TRIM66: variants seen among roughly 807,000 people sequenced by gnomAD.
The protein encoded by TRIM66 is tripartite motif-containing protein 66.
TRIM66 carries 99 observed loss-of-function variants against 148.2 expected under a neutral mutation model. The observed-to-expected ratio is 0.67, with a 90% CI of 0.57 to 0.79. The LOEUF (loss-of-function observed/expected upper bound fraction) is 0.79, where lower values mean the gene tolerates loss of function less well. TRIM66 is among the 30% of genes least tolerant of loss of function. The pLI is 0.00. For synonymous variants in TRIM66, 616 were observed against 635.9 expected (o/e 0.97, Z 0.47); for missense variants, 1,666 against 1,697.9 (o/e 0.98, Z 0.33).
At chr11:8,637,557 TC>T (rs1441471389) in intron 15 of TRIM66, among the ~76,000 whole-genome samples, 4 of 152,128 alleles carry the variant, frequency 2.6e-5, no homozygotes, top group African/African-American at 9.7e-5. Flanking sequence ...ATTTTTGCCA[TC>T]CCTTCTTTTT....
Position 8,638,361 on chromosome 11 carries a change from G to A in TRIM66, c.2310+293C>T, listed in dbSNP as rs74053012. On this transcript the variant is annotated intron_variant, in intron 15 of 24. Coordinates refer to ENST00000646038, the MANE Select transcript of TRIM66 (RefSeq NM_001388022.1). Reference sequence around the variant, plus strand: ...ATAATGCTGGTGAAGCAGCACACACGGTTCCAAGCACAGAGTACATGTTCA... The same window carrying A: ...ATAATGCTGGTGAAGCAGCACACACAGTTCCAAGCACAGAGTACATGTTCA... Among the ~76,000 whole-genome samples, 1,136 of 152,284 alleles carry A rather than the reference G, an allele frequency of 7.5e-3. 13 individuals are homozygous for A. The highest frequency in any genetic ancestry group is 0.026 in the African/African-American group (1,072 of 41,546).
intron 12 of TRIM66, chr11:8,644,502 T>C (rs1249967990): frequency 4.6e-6 from 2 of 439,530 alleles, no homozygotes; most frequent in Non-Finnish European, 9.1e-6. Context: ...ACCCTCAAAC[T>C]TAACTACAGC....
chr11:8,645,826 T>C lies in TRIM66; in HGVS notation c.1019A>G (p.Asn340Ser), dbSNP rs761254774. The C allele has an allele frequency of 1.5e-5, 24 of 1,551,588 alleles. No individual in the cohort carries two copies. In the South Asian group the frequency reaches 1.9e-4, roughly 12 times the overall value. ...EQQLQSIMVL[N>S]RQFEHVQNFI... is the part of the protein sequence containing the mutation. ...ATTCTGCACATGCTCAAACTGACGG[T>C]TGAGAACCATGATGCTCTGTAACTG... is the stretch of plus-strand genomic sequence containing the variant. The change falls in exon 12 of 25, where the codon AAC (asparagine) becomes AGC (serine). Residue 340 changes from asparagine (N) to serine (S), a missense_variant. Physicochemically the swap from Asn to Ser is conservative, Grantham distance 46. Transcript: ENST00000646038.
chr11:8,680,388 A>C (rs2039354563), intron 1 of TRIM66, among the ~76,000 whole-genome samples: 1 of 152,216 alleles, frequency 6.6e-6, no homozygotes, highest in Non-Finnish European at 1.5e-5. Context: ...GTTAGAATGC[A>C]GGCAGAGTGA....
intron 15 of TRIM66, among the ~76,000 whole-genome samples, chr11:8,634,601 T>C (rs1370150330): frequency 6.6e-6 from 1 of 152,218 alleles, no homozygotes; most frequent in Non-Finnish European, 1.5e-5. Flanking sequence ...GTAGCCATGG[T>C]CTTTCTTTCA....
chr11:8,654,631 A>G (rs1042558214), intron 6 of TRIM66: 2 of 152,250 alleles, frequency 1.3e-5, no homozygotes, highest in Non-Finnish European at 2.9e-5. Context: ...CCTGGTTTTT[A>G]GCAGATTGAA....
intron 20 of TRIM66, 78 bp from the exon 21 acceptor site, chr11:8,620,650 A>G: frequency 6.7e-7 from 1 of 1,499,326 alleles, no homozygotes; most frequent in South Asian, 1.3e-5. Flanking sequence ...GCCCTATGGC[A>G]GGCGTGAGAA....
chr11:8,622,743 T>C, intron 18 of TRIM66, 73 bp downstream of exon 18: 1 of 1,369,966 alleles, frequency 7.3e-7, no homozygotes, highest in South Asian at 1.3e-5. Context: ...TCATCAAGGA[T>C]GCTTCATCCC....
intron 15 of TRIM66, among the ~76,000 whole-genome samples, chr11:8,630,456 C>G (rs1010356051): frequency 3.9e-5 from 6 of 152,190 alleles, no homozygotes; most frequent in Non-Finnish European, 7.3e-5. Context: ...TCTTTACATA[C>G]AAAACCTCTA....
Position 8,618,948 on chromosome 11 carries a change from C to A in TRIM66, c.3921G>T (p.Glu1307Asp). 1 of 1,551,514 alleles carries A rather than the reference C, an allele frequency of 6.4e-7. No individual in the cohort carries two copies. The highest frequency in any genetic ancestry group is 2.4e-5 in the East Asian group (1 of 40,912). ...AGAACACTTCCAGGCAGCGGCCAGCCTCTGCAACCTCGGAGTCAGGCTGAT... is the reference window on the plus strand; with the variant it reads ...AGAACACTTCCAGGCAGCGGCCAGCATCTGCAACCTCGGAGTCAGGCTGAT... ...KFNYPDSEVA[E>D]AGRCLEVFFE... Residue 1307 changes from glutamate (E) to aspartate (D), a missense_variant, in exon 24 of 25, where the codon GAG (glutamate) becomes GAT (aspartate). Glu to Asp is a conservative substitution (Grantham distance 45). This residue lies in a region of TRIM66 where 204 missense variants were observed against 231.0 expected (regional missense o/e 0.88). Coordinates refer to ENST00000646038, the MANE Select transcript of TRIM66 (RefSeq NM_001388022.1).
At chr11:8,625,364 G>T in intron 15 of TRIM66, 136 bp from the exon 16 acceptor site, 1 of 1,043,088 alleles carries the variant, frequency 9.6e-7, no homozygotes, top group Non-Finnish European at 1.3e-6. Flanking sequence ...GCTGGTAGCT[G>T]CCAGGAACTC....
chr11:8,671,763 A>G, intron 6 of TRIM66, 23 bp downstream of exon 6: 1 of 1,051,008 alleles, frequency 9.5e-7, no homozygotes. Flanking sequence ...TGGGAGGTGA[A>G]CTTGTGGTGC....
chr11:8,627,924 A>T (rs1592042329), intron 15 of TRIM66, among the ~76,000 whole-genome samples: 2 of 152,166 alleles, frequency 1.3e-5, no homozygotes, highest in South Asian at 4.1e-4. Context: ...TCCCAGGCTC[A>T]AGCAAGCAAT....
At chr11:8,622,918 G>A in intron 17 of TRIM66, 42 bp from the exon 18 acceptor site, 5 of 1,514,906 alleles carry the variant, frequency 3.3e-6, no homozygotes, top group African/African-American at 1.4e-5. Context: ...ACACATTTGT[G>A]GCAACAAACC....
intron 6 of TRIM66, among the ~76,000 whole-genome samples, chr11:8,655,432 T>G (rs2037738006): frequency 6.6e-6 from 1 of 152,176 alleles, no homozygotes; most frequent in Non-Finnish European, 1.5e-5. Flanking sequence ...GGAATAGGAA[T>G]GCAGGGGAGT....
At chr11:8,652,004 A>T in intron 6 of TRIM66, 101 bp from the exon 7 acceptor site, 4 of 907,770 alleles carry the variant, frequency 4.4e-6, no homozygotes, top group East Asian at 2.7e-5. Flanking sequence ...GATACATGGC[A>T]ATACCCATGT....
chr11:8,662,827 CAAAT>C (rs1315166974), intron 6 of TRIM66, among the ~76,000 whole-genome samples: 1 of 151,928 alleles, frequency 6.6e-6, no homozygotes, highest in Non-Finnish European at 1.5e-5. Flanking sequence ...CCTAAAATGA[CAAAT>C]AAAACCACAG....
chr11:8,618,755 G>A lies in TRIM66; in HGVS notation c.4114C>T (p.His1372Tyr). 1 of 1,549,704 alleles carries A rather than the reference G, an allele frequency of 6.5e-7. No homozygotes were observed. Among genetic ancestry groups the A allele is most frequent in the Non-Finnish European group, 8.7e-7 (1 of 1,146,696 alleles). The change falls in exon 24 of 25, where the codon CAT becomes TAT. Residue 1372 changes from histidine to tyrosine, a missense_variant. Coordinates refer to ENST00000646038, the MANE Select transcript of TRIM66 (RefSeq NM_001388022.1). ...EGIQPKRRRR[H>Y]MENERAKRMS... ...GGCTGGCAGTAACTCTTTACCATAT[G>A]TCGTCGCCGCCTCTTGGGTTGGATG...
At chr11:8,626,199 G>A (rs1386935585) in intron 15 of TRIM66, among the ~76,000 whole-genome samples, 1 of 151,982 alleles carries the variant, frequency 6.6e-6, no homozygotes, top group Admixed American at 6.6e-5. Flanking sequence ...TAATCTTCAG[G>A]AATGTGTAAG....
Sources: gnomAD v4.1 joint callset for allele counts (sites outside exome capture counted in the v4.1 genomes callset) on GRCh38, gnomAD v4.1.1 for gene constraint, gnomAD v4.1.1 regional missense constraint, MANE v1.5 for transcripts, NCBI Gene and HGNC (gene_info 2026-07-23, HGNC 2026-07-21) for gene names.